Variants in CSTL1 observed in about 807,000 individuals in gnomAD.
CSTL1 encodes cystatin-like 1.
In CSTL1, 14 loss-of-function variants were observed where a neutral mutation model predicts 14.4. That is an observed-to-expected ratio of 0.97 (90% confidence interval 0.64 to 1.52). The LOEUF (loss-of-function observed/expected upper bound fraction) is 1.52, where lower values mean the gene tolerates loss of function less well. Among genes scored for constraint, CSTL1 ranks in the 40% most tolerant of loss-of-function variants. The pLI is 0.00. For synonymous variants in CSTL1, 72 were observed against 67.5 expected, an observed-to-expected ratio of 1.07 and a Z score of -0.33; for missense variants, 170 against 168.7, an observed-to-expected ratio of 1.01 and a Z score of -0.04.
Position 23,444,768 on chromosome 20 carries a change from C to A in CSTL1, c.331-3C>A. 6.3e-7 allele frequency: 1 copy of A among 1,596,652 alleles called. No individual in the cohort carries two copies. Among genetic ancestry groups the A allele is most frequent in the Non-Finnish European group, 8.6e-7 (1 of 1,164,076 alleles). On this transcript the variant is annotated splice_polypyrimidine_tract_variant and splice_region_variant and intron_variant, in intron 3 of 3. Coordinates refer to ENST00000347397, the MANE Select transcript of CSTL1 (RefSeq NM_138283.1). ...AAAGTCTGTTTTCTTTCTTCTTCTA[C>A]AGAGTTTAATTTGCGAGTCTTTGAT... is the stretch of plus-strand genomic sequence containing the variant.
the CSTL1 span, among the ~76,000 whole-genome samples, chr20:23,453,940 C>A: frequency 1.3e-5 from 2 of 151,872 alleles, no homozygotes; most frequent in Non-Finnish European, 2.9e-5. Context: ...CACTGAAACA[C>A]AGACACACAA....
chr20:23,444,130 T>C, intron 3 of CSTL1, 86 bp downstream of exon 3: 1 of 1,246,800 alleles, frequency 8.0e-7, no homozygotes, highest in South Asian at 1.3e-5. Context: ...TTGCCACTTG[T>C]GTGGATTGGG....
intron 2 of CSTL1, 150 bp from the exon 3 acceptor site, chr20:23,443,784 A>G (rs1486046917): frequency 6.6e-6 from 4 of 606,148 alleles, no homozygotes; most frequent in African/African-American, 5.7e-5. Flanking sequence ...AGCCAGAAGT[A>G]AGGAGAAGGG....
the CSTL1 span, among the ~76,000 whole-genome samples, chr20:23,459,682 G>A: frequency 1.3e-5 from 2 of 152,192 alleles, no homozygotes; most frequent in Non-Finnish European, 2.9e-5. Context: ...CCACTGGCAT[G>A]GCGCAGGATT....
downstream of CSTL1, chr20:23,444,993 C>T (rs182800490): frequency 2.2e-5 from 16 of 725,334 alleles, no homozygotes; most frequent in South Asian, 6.3e-5. Flanking sequence ...AGAGTGTACA[C>T]GTACACACAC....
chr20:23,447,156 G>A (rs138819078), downstream of CSTL1, among the ~76,000 whole-genome samples: 4 of 152,330 alleles, frequency 2.6e-5, no homozygotes, highest in Non-Finnish European at 5.9e-5. Context: ...TCCAAAGGCA[G>A]CCTCTGTCCA....
the CSTL1 span, among the ~76,000 whole-genome samples, chr20:23,450,914 T>C: frequency 6.6e-6 from 1 of 152,212 alleles, no homozygotes; most frequent in African/African-American, 2.4e-5. Context: ...TTATTTGTCC[T>C]CTCTTGGCTC....
chr20:23,445,932 G>A (rs886160657), downstream of CSTL1, among the ~76,000 whole-genome samples: 1 of 152,168 alleles, frequency 6.6e-6, no homozygotes, highest in African/African-American at 2.4e-5. Context: ...GTTCTCTCTC[G>A]GTGCCGTCAC....
intron 2 of CSTL1, among the ~76,000 whole-genome samples, chr20:23,442,984 T>A (rs1240039684): frequency 2.0e-5 from 3 of 152,228 alleles, no homozygotes; most frequent in African/African-American, 7.2e-5. Context: ...TTTTCCAGGC[T>A]CCAACCCCTG....
chr20:23,443,858 G>C (rs57456391), intron 2 of CSTL1, 76 bp from the exon 3 acceptor site: 1 of 1,081,592 alleles, frequency 9.2e-7, no homozygotes, highest in South Asian at 1.3e-5. Flanking sequence ...TTTACTCTCA[G>C]TCCTAGCTTC....
downstream of CSTL1, chr20:23,444,976 C>T (rs974108826): frequency 3.8e-6 from 3 of 795,214 alleles, no homozygotes; most frequent in African/African-American, 1.7e-5. Context: ...CACACACATG[C>T]ACACACAGAG....
downstream of CSTL1, among the ~76,000 whole-genome samples, chr20:23,447,759 C>A (rs1216417351): frequency 6.6e-6 from 1 of 152,212 alleles, no homozygotes; most frequent in Non-Finnish European, 1.5e-5. Flanking sequence ...CCGTGCCTGG[C>A]CACATACATG....
chr20:23,451,146 A>G, the CSTL1 span, among the ~76,000 whole-genome samples: 1 of 151,802 alleles, frequency 6.6e-6, no homozygotes, highest in East Asian at 1.9e-4. Flanking sequence ...CCACCCATCC[A>G]TCTTTACTTC....
At chr20:23,452,879 C>A in the CSTL1 span, 2 of 1,237,708 alleles carry the variant, frequency 1.6e-6, no homozygotes, top group African/African-American at 1.5e-5. Flanking sequence ...ATCACACTGA[C>A]CCTACCTGCC....
intron 2 of CSTL1, among the ~76,000 whole-genome samples, chr20:23,442,706 G>A (rs1447818462): frequency 6.6e-6 from 1 of 152,152 alleles, no homozygotes; most frequent in Non-Finnish European, 1.5e-5. Flanking sequence ...CTGTCCCAGT[G>A]TTTGCTAAGG....
chr20:23,455,787 C>T, the CSTL1 span, among the ~76,000 whole-genome samples: 2 of 152,364 alleles, frequency 1.3e-5, no homozygotes, highest in South Asian at 4.1e-4. Context: ...GCACTGGCAG[C>T]ATTACCTCTT....
At chr20:23,443,056 C>A (rs551506445) in intron 2 of CSTL1, among the ~76,000 whole-genome samples, 1 of 152,206 alleles carries the variant, frequency 6.6e-6, no homozygotes, top group East Asian at 1.9e-4. Context: ...CCCTGGCATG[C>A]GTTCTCCATG....
In CSTL1 at chr20:23,443,945, A is replaced by T. The variant is rs144509788; in HGVS notation, c.231A>T (p.Gly77=). 1.5e-4 allele frequency: 244 copies of T among 1,613,646 alleles called. No homozygotes were observed. Among genetic ancestry groups the T allele is most frequent in the African/African-American group, 1.2e-3 (88 of 75,032 alleles). The change falls in exon 3 of 4, where the codon GGA becomes GGT. Residue 77 remains glycine (G), a synonymous_variant. Coordinates refer to ENST00000347397, the MANE Select transcript of CSTL1 (RefSeq NM_138283.1). Reference sequence around the variant, plus strand: ...CTGATTCTCGGCAGCTGACGACGGGAGTGGAGTATATAGTCACTGTGAAGA... The same window carrying T: ...CTGATTCTCGGCAGCTGACGACGGGTGTGGAGTATATAGTCACTGTGAAGA... ...LIRSQMQLTT[G]VEYIVTVKIG... is the part of the protein sequence containing the mutation.
chr20:23,454,119 C>T, the CSTL1 span, among the ~76,000 whole-genome samples: 113 of 151,806 alleles, frequency 7.4e-4, no homozygotes, highest in South Asian at 8.1e-3. Context: ...CAGAGACACA[C>T]GCACCTACAT....
Sources: gnomAD v4.1 joint callset for allele counts (sites outside exome capture counted in the v4.1 genomes callset) on GRCh38, gnomAD v4.1.1 for gene constraint, MANE v1.5 for transcripts, NCBI Gene and HGNC (gene_info 2026-07-23, HGNC 2026-07-21) for gene names.